Variants in CLASP2 observed in about 807,000 individuals in gnomAD.
CLASP2 encodes cytoplasmic linker associated protein 2, also known as CLIP-associating protein 2.
A neutral mutation model predicts 194.4 loss-of-function variants in CLASP2; 47 were observed. The ratio of observed to expected loss-of-function variants is 0.24; its 90% confidence interval spans 0.19 to 0.31. CLASP2 has a LOEUF of 0.31. CLASP2 is among the 10% of genes least tolerant of loss of function. The probability of loss-of-function intolerance (pLI) is 1.00; values close to 1 mark genes in which losing one functional copy is unlikely to be tolerated. For missense variants in CLASP2, 1,445 were observed against 1,823.6 expected (o/e 0.79, Z 3.78); for synonymous variants, 619 against 633.5 (o/e 0.98, Z 0.34).
chr3:33,668,163 G>A (rs1190905081), intron 6 of CLASP2, among the ~76,000 whole-genome samples: 1 of 152,204 alleles, frequency 6.6e-6, no homozygotes, highest in East Asian at 1.9e-4. Flanking sequence ...AGGTTGCAGT[G>A]AGCTGAGATC....
chr3:33,563,023 A>G (rs1468473519), intron 27 of CLASP2, among the ~76,000 whole-genome samples: 2 of 152,148 alleles, frequency 1.3e-5, no homozygotes, highest in African/African-American at 4.8e-5. Context: ...TCCAAGAAAG[A>G]AGTGATTTTC....
intron 10 of CLASP2, among the ~76,000 whole-genome samples, chr3:33,623,130 T>C (rs943238552): frequency 2.0e-5 from 3 of 152,176 alleles, no homozygotes; most frequent in Non-Finnish European, 4.4e-5. Context: ...CATTTTTAAT[T>C]ATTATGAATA....
chr3:33,688,431 A>G (rs1216741345), intron 3 of CLASP2, 63 bp from the exon 4 acceptor site: 1 of 1,218,502 alleles, frequency 8.2e-7, no homozygotes, highest in Non-Finnish European at 1.2e-6. Flanking sequence ...ATAATCTTTT[A>G]TTTCTTCCCA....
intron 8 of CLASP2, 139 bp from the exon 9 acceptor site, chr3:33,632,510 T>TA: frequency 1.5e-6 from 1 of 655,502 alleles, no homozygotes; most frequent in Non-Finnish European, 2.5e-6. Context: ...AGAAAGCATT[T>TA]AAAAAATCTC....
In CLASP2 at chr3:33,560,945, T is replaced by C. The variant is rs1178162085; in HGVS notation, c.2793A>G (p.Leu931=). ...KRVFSMFLET[L]VDFIQVHKDD... ...CTTTGTGGACTTGTATGAAATCCAC[T>C]AGAGTCTCCAAAAACATGCTGAATA... The change falls in exon 28 of 39, where the codon CTA becomes CTG. Residue 931 remains leucine (L), a synonymous_variant. Coordinates refer to ENST00000682230, the MANE Select transcript of CLASP2 (RefSeq NM_001365631.1). 1.9e-6 allele frequency: 3 copies of C among 1,613,594 alleles called. No individual in the cohort carries two copies. The highest frequency in any genetic ancestry group is 1.7e-6 in the Non-Finnish European group (2 of 1,179,768).
At chr3:33,588,720 C>T (rs114138303) in intron 21 of CLASP2, 477 of 702,272 alleles carry the variant, frequency 6.8e-4, no homozygotes, top group Non-Finnish European at 1.1e-3. Flanking sequence ...ATGGTATTAG[C>T]AGATTGTGAT....
intron 13 of CLASP2, among the ~76,000 whole-genome samples, chr3:33,609,267 G>A (rs1022277648): frequency 6.6e-6 from 1 of 152,034 alleles, no homozygotes; most frequent in Admixed American, 6.6e-5. Flanking sequence ...GCAACACAGT[G>A]AGAACCTGTC....
chr3:33,574,502 A>G, intron 24 of CLASP2: 3 of 1,505,546 alleles, frequency 2.0e-6, no homozygotes, highest in East Asian at 5.0e-5. Context: ...AAGAGCTGAG[A>G]GCAGTAAATT....
intron 34 of CLASP2, among the ~76,000 whole-genome samples, chr3:33,532,440 G>A (rs1281295451): frequency 6.6e-6 from 1 of 152,192 alleles, no homozygotes; most frequent in Non-Finnish European, 1.5e-5. Context: ...AGTTATGTGA[G>A]ATGGATGGTC....
chr3:33,543,346 C>G, intron 32 of CLASP2, 87 bp downstream of exon 32: 1 of 903,560 alleles, frequency 1.1e-6, no homozygotes, highest in East Asian at 2.5e-5. Context: ...ACACTCCAGC[C>G]TGGGCGACAG....
intron 7 of CLASP2, among the ~76,000 whole-genome samples, chr3:33,648,273 C>G (rs1411559405): frequency 4.6e-5 from 7 of 151,836 alleles, no homozygotes. Context: ...ATATTTTTAC[C>G]TATAAGGTCA....
chr3:33,684,318 T>C, intron 6 of CLASP2, 41 bp downstream of exon 6: 1 of 1,049,788 alleles, frequency 9.5e-7, no homozygotes. Context: ...TTAAAACTAG[T>C]GGTGAAAAAA....
intron 6 of CLASP2, among the ~76,000 whole-genome samples, chr3:33,678,362 T>C (rs1164473405): frequency 1.3e-5 from 2 of 151,810 alleles, no homozygotes; most frequent in Non-Finnish European, 2.9e-5. Flanking sequence ...AAAAATATTC[T>C]CAAAGTAACC....
intron 7 of CLASP2, among the ~76,000 whole-genome samples, chr3:33,645,929 T>TACACACACAC (rs60196645): frequency 4.4e-4 from 59 of 135,194 alleles, no homozygotes; most frequent in East Asian, 4.3e-3. Flanking sequence ...TCTCCCAGCA[T>TACACACACAC]ACACACACAC....
intron 34 of CLASP2, among the ~76,000 whole-genome samples, chr3:33,528,008 C>T (rs762742729): frequency 6.6e-6 from 1 of 151,954 alleles, no homozygotes; most frequent in Non-Finnish European, 1.5e-5. Context: ...AACTTCAGGC[C>T]AGTATCCTTG....
intron 21 of CLASP2, chr3:33,588,646 T>C (rs2067964796): frequency 2.9e-6 from 2 of 698,894 alleles, no homozygotes; most frequent in Non-Finnish European, 5.2e-6. Flanking sequence ...AACCCATTCT[T>C]CATAATGAAA....
chr3:33,530,146 C>G (rs530678085), intron 34 of CLASP2, among the ~76,000 whole-genome samples: 1 of 151,942 alleles, frequency 6.6e-6, no homozygotes, highest in South Asian at 2.1e-4. Flanking sequence ...TATGAGTACA[C>G]TCTAAAATAG....
At position 33,498,587 on chromosome 3, in the gene CLASP2, C is replaced by T. The variant is rs776026723; in HGVS notation, c.*44G>A. ...CCTTTCATTGATGAGGGTGGTCTAT[C>T]TGTCCTTTCTTTTGAGAGACCTGGT... is the stretch of plus-strand genomic sequence containing the variant. On this transcript the variant is annotated 3_prime_UTR_variant, in exon 39 of 39. Transcript: ENST00000682230. 6 of 1,281,444 alleles carry T rather than the reference C, an allele frequency of 4.7e-6. No homozygotes were observed. In the East Asian group the frequency reaches 1.2e-4, roughly 25 times the overall value. The allele number at this position is 1,281,444 out of a possible 1,614,324, so 79.4% of individuals were successfully genotyped here.
At chr3:33,676,119 T>C (rs1053449232) in intron 6 of CLASP2, among the ~76,000 whole-genome samples, 7 of 152,070 alleles carry the variant, frequency 4.6e-5, no homozygotes, top group Non-Finnish European at 7.4e-5. Flanking sequence ...GAGCCCGCAT[T>C]GCCAAGTCAA....
Sources: gnomAD v4.1 joint callset for allele counts (sites outside exome capture counted in the v4.1 genomes callset) on GRCh38, gnomAD v4.1.1 for gene constraint, MANE v1.5 for transcripts, NCBI Gene and HGNC (gene_info 2026-07-23, HGNC 2026-07-21) for gene names.